LRCH2: variants seen among roughly 807,000 people sequenced by gnomAD.
LRCH2 encodes the protein leucine rich repeats and calponin homology domain containing 2, also known as leucine-rich repeat and calponin homology domain-containing protein 2.
Under a neutral mutation model 68.9 loss-of-function variants are expected in LRCH2, and 38 were observed. The ratio of observed to expected loss-of-function variants is 0.55; its 90% CI spans 0.43 to 0.72. The LOEUF is 0.72. Ranked by LOEUF, LRCH2 falls within the 30% of genes least tolerant of loss-of-function variation. The pLI is 0.00. For synonymous variants in LRCH2, 191 were observed against 208.1 expected (o/e 0.92, Z 0.71); for missense variants, 528 against 572.9 (o/e 0.92, Z 0.80).
chrX:115,191,941 T>A (rs782134836), intron 1 of LRCH2: 1 of 1,161,688 alleles, frequency 8.6e-7, no homozygotes, highest in Non-Finnish European at 1.1e-6. Context: ...CGGAGGCCAC[T>A]CACCCAACGC....
intron 11 of LRCH2, among the ~76,000 whole-genome samples, chrX:115,162,964 T>C (rs1368664213): frequency 8.9e-6 from 1 of 111,872 alleles, no homozygotes; most frequent in African/African-American, 3.2e-5. Flanking sequence ...CAGCTGACCC[T>C]CAGCAGCATA....
In LRCH2 at chrX:115,179,710, C is replaced by A. The variant is rs868969001; in HGVS notation, c.663G>T (p.Met221Ile). ...GCTCTCTAAGTGAATGTAATTTTCCCATTTGTTGGGGAAGGACTTGAATCT... is the reference window on the plus strand; with the variant it reads ...GCTCTCTAAGTGAATGTAATTTTCCAATTTGTTGGGGAAGGACTTGAATCT... ...CNEIQVLPQQ[M>I]GKLHSLRELN... The change falls in exon 4 of 21, where the codon ATG becomes ATT. Residue 221 changes from methionine to isoleucine, a missense_variant. Met to Ile is a conservative substitution (Grantham distance 10). Coordinates refer to ENST00000317135, the MANE Select transcript of LRCH2 (RefSeq NM_020871.4). 1 of 1,163,901 alleles carries A rather than the reference C, an allele frequency of 8.6e-7. No homozygotes were observed. Among genetic ancestry groups the A allele is most frequent in the South Asian group, 2.1e-5 (1 of 48,502 alleles).
rs1342989173 is a variant in LRCH2, at chrX:115,111,559, T to TA, written c.*1656dup. The TA allele has an allele frequency of 9.0e-6, 1 of 110,935 alleles. No individual in the cohort carries two copies. The highest frequency in any genetic ancestry group is 1.9e-5 in the Non-Finnish European group (1 of 52,898). The allele number at this position is 110,935 out of a possible 1,213,427, so 9.1% of individuals were successfully genotyped here. ...AGATTATGTCAGCGAGTTTTTTTTT[T>TA]ATCCAACTAAAAAATTAACAACTAA... On this transcript the variant is annotated 3_prime_UTR_variant, in exon 21 of 21. Transcript: ENST00000317135.
rs190938699 is a variant in LRCH2, at chrX:115,209,666, T to G, written c.350-21296A>C. 2.1e-3 allele frequency among the ~76,000 whole-genome samples: 240 copies of G among 112,173 alleles called. 1 individual carries two copies. The highest frequency in any genetic ancestry group is 9.2e-3 in the Middle Eastern group (2 of 218). On this transcript the variant is annotated intron_variant, in intron 1 of 20. Coordinates refer to ENST00000317135, the MANE Select transcript of LRCH2 (RefSeq NM_020871.4). ...AAAAATGTGGAAGTGACTTTGGAAC[T>G]GGGTAATAGGCAGAAGTTGGAACAG...
intron 5 of LRCH2, among the ~76,000 whole-genome samples, chrX:115,173,708 C>G (rs782703988): frequency 1.8e-5 from 2 of 111,479 alleles, no homozygotes; most frequent in African/African-American, 6.5e-5. Flanking sequence ...ATACAGTTGA[C>G]CCTTGAACAA....
In LRCH2 at chrX:115,230,868, T is replaced by C. The variant is rs1307030179; in HGVS notation, c.349+2825A>G. Among the ~76,000 whole-genome samples, 11 of 110,546 alleles carry C rather than the reference T, an allele frequency of 1.0e-4. No homozygotes were observed. In the Admixed American group the frequency reaches 1.1e-3, roughly 11 times the overall value. ...TCTCAGCCCTGAGTGCATATTAGAA[T>C]TACCTGGGAAGATTTTTTTTCCTTA... On this transcript the variant is annotated intron_variant, in intron 1 of 20. Coordinates refer to ENST00000317135, the MANE Select transcript of LRCH2 (RefSeq NM_020871.4).
intron 1 of LRCH2, among the ~76,000 whole-genome samples, chrX:115,222,899 A>T (rs782146417): frequency 8.9e-6 from 1 of 112,067 alleles, no homozygotes; most frequent in Non-Finnish European, 1.9e-5. Context: ...TCTTGAAAAA[A>T]ATGTCGGAAA....
At chrX:115,150,846 C>T (rs1231246979) in intron 12 of LRCH2, among the ~76,000 whole-genome samples, 1 of 110,522 alleles carries the variant, frequency 9.0e-6, no homozygotes, top group Non-Finnish European at 1.9e-5. Context: ...AAGTTAATAG[C>T]TTTCCTACAT....
At chrX:115,166,749 A>G (rs1421020413) in intron 6 of LRCH2, among the ~76,000 whole-genome samples, 1 of 110,993 alleles carries the variant, frequency 9.0e-6, no homozygotes, top group Non-Finnish European at 1.9e-5. Context: ...TGTTTTATTT[A>G]TATAAATAAT....
At chrX:115,147,904 T>C (rs782224104) in intron 14 of LRCH2, among the ~76,000 whole-genome samples, 3 of 110,532 alleles carry the variant, frequency 2.7e-5, no homozygotes, top group African/African-American at 9.9e-5. Context: ...ATTTTAAAAT[T>C]TGTAGGGCAC....
At chrX:115,123,604 G>C (rs1244745011) in intron 17 of LRCH2, among the ~76,000 whole-genome samples, 1 of 111,968 alleles carries the variant, frequency 8.9e-6, no homozygotes, top group Non-Finnish European at 1.9e-5. Flanking sequence ...TGCCAAATGC[G>C]AAAAGATCCC....
chrX:115,165,282 T>C (rs2072549008), intron 10 of LRCH2, 123 bp downstream of exon 10: 1 of 451,842 alleles, frequency 2.2e-6, no homozygotes, highest in Non-Finnish European at 3.7e-6. Flanking sequence ...ATAAATTAAC[T>C]ATCTAAACAT....
chrX:115,175,220 T>C (rs2072637697), intron 5 of LRCH2, among the ~76,000 whole-genome samples: 1 of 111,327 alleles, frequency 9.0e-6, no homozygotes, highest in South Asian at 3.8e-4. Flanking sequence ...TCTGACCTTC[T>C]CCAGACGCCC....
intron 16 of LRCH2, among the ~76,000 whole-genome samples, chrX:115,125,607 GTA>G (rs200758748): frequency 5.4e-5 from 1 of 18,508 alleles, no homozygotes; most frequent in Non-Finnish European, 8.7e-5. Context: ...ATATATATAC[GTA>G]TATATATATG....
intron 14 of LRCH2, among the ~76,000 whole-genome samples, chrX:115,141,894 G>A (rs1364491214): frequency 9.1e-5 from 9 of 98,812 alleles, no homozygotes; most frequent in Non-Finnish European, 1.0e-4. Context: ...AAGAAAGAAA[G>A]AAAAAGAAAA....
chrX:115,227,924 T>G (rs1231807387), intron 1 of LRCH2, among the ~76,000 whole-genome samples: 5 of 111,491 alleles, frequency 4.5e-5, no homozygotes, highest in Non-Finnish European at 7.5e-5. Flanking sequence ...CTACACAGAA[T>G]CAAGTGTTCC....
At chrX:115,189,931 A>G in intron 1 of LRCH2, 2 of 1,157,682 alleles carry the variant, frequency 1.7e-6, no homozygotes, top group South Asian at 3.9e-5. Flanking sequence ...ACCCCACAAG[A>G]GGGCCACGCC....
At chrX:115,225,851 A>G (rs1185051726) in intron 1 of LRCH2, among the ~76,000 whole-genome samples, 4 of 112,221 alleles carry the variant, frequency 3.6e-5, no homozygotes, top group African/African-American at 1.3e-4. Context: ...GGTTAACATC[A>G]TTCGTGATCA....
intron 20 of LRCH2, among the ~76,000 whole-genome samples, chrX:115,119,996 T>C (rs1485986125): frequency 9.0e-6 from 1 of 111,067 alleles, no homozygotes. Flanking sequence ...GATCCCTTCC[T>C]TACACCTTAT....
Sources: allele counts gnomAD v4.1 joint callset (sites outside exome capture counted in the v4.1 genomes callset), GRCh38; gene constraint gnomAD v4.1.1; transcripts MANE v1.5; gene names NCBI Gene and HGNC (gene_info 2026-07-23, HGNC 2026-07-21).